The following LACTB2 variants were observed in gnomAD, a reference collection of about 807,000 sequenced individuals.
The protein encoded by LACTB2 is endoribonuclease LACTB2.
In LACTB2, 32 loss-of-function variants were observed where a neutral mutation model predicts 34.8. That is an observed-to-expected ratio of 0.92 (90% CI 0.69 to 1.24). The LOEUF is 1.24. Ranked by LOEUF, LACTB2 falls within the 50% of genes most tolerant of loss-of-function variation. LACTB2 has a pLI of 0.00. For synonymous variants in LACTB2, 120 were observed against 117.5 expected (o/e 1.02, Z -0.14); for missense variants, 320 against 345.0 (o/e 0.93, Z 0.57).
chr8:70,664,831 A>G (rs1818518672), intron 1 of LACTB2, among the ~76,000 whole-genome samples: 1 of 152,160 alleles, frequency 6.6e-6, no homozygotes, highest in African/African-American at 2.4e-5. Context: ...TTTTATAGAA[A>G]ACTTATCTTC....
intron 1 of LACTB2, chr8:70,663,413 T>C (rs1031226235): frequency 2.0e-5 from 3 of 152,234 alleles, no homozygotes; most frequent in Admixed American, 2.0e-4. Context: ...TTGGCTTCTA[T>C]CTGCACCCTA....
chr8:70,656,830 T>C (rs1245794458), intron 3 of LACTB2, among the ~76,000 whole-genome samples: 1 of 152,178 alleles, frequency 6.6e-6, no homozygotes. Context: ...TGTGTTTCCA[T>C]TTGTTTGTGT....
At chr8:70,648,161 A>C (rs1199656456) in intron 3 of LACTB2, among the ~76,000 whole-genome samples, 1 of 152,206 alleles carries the variant, frequency 6.6e-6, no homozygotes, top group Non-Finnish European at 1.5e-5. Context: ...TCCTACAGTG[A>C]GGCCTAAAGC....
At chr8:70,655,922 G>A (rs1455016110) in intron 3 of LACTB2, among the ~76,000 whole-genome samples, 6 of 152,094 alleles carry the variant, frequency 3.9e-5, no homozygotes, top group South Asian at 2.1e-4. Flanking sequence ...ATTGCATTGC[G>A]GTTTTGATTT....
At chr8:70,664,984 G>A (rs968614507) in intron 1 of LACTB2, among the ~76,000 whole-genome samples, 4 of 152,154 alleles carry the variant, frequency 2.6e-5, no homozygotes, top group East Asian at 1.9e-4. Context: ...TAGGTTAAGT[G>A]CTTAGAATCA....
At chr8:70,659,196 T>A (rs1818451927) in intron 2 of LACTB2, among the ~76,000 whole-genome samples, 1 of 152,024 alleles carries the variant, frequency 6.6e-6, no homozygotes, top group Non-Finnish European at 1.5e-5. Flanking sequence ...AATAGGAGAA[T>A]TTAAACTTTA....
chr8:70,641,022 T>C lies in LACTB2; in HGVS notation c.621A>G (p.Glu207=). The change falls in exon 5 of 7, where the codon GAA becomes GAG. Residue 207 remains glutamate (E), a synonymous_variant. Transcript: ENST00000276590. ...PGHGPVIHNA[E]AKIQQYISHR... is the part of the protein sequence containing the mutation. Reference sequence around the variant, plus strand: ...GAGAAATGTATTGTTGAATTTTAGCTTCAGCATTATGAATTACTGGGCCAT... The same window carrying C: ...GAGAAATGTATTGTTGAATTTTAGCCTCAGCATTATGAATTACTGGGCCAT... 2 of 1,604,040 alleles carry C rather than the reference T, an allele frequency of 1.2e-6. No homozygotes were observed. The highest frequency in any genetic ancestry group is 1.7e-6 in the Non-Finnish European group (2 of 1,177,308).
intron 3 of LACTB2, among the ~76,000 whole-genome samples, chr8:70,647,437 G>T (rs1318108528): frequency 6.6e-6 from 1 of 152,042 alleles, no homozygotes; most frequent in East Asian, 1.9e-4. Flanking sequence ...ATTTTTAGTA[G>T]AGATGGGGTT....
At chr8:70,653,352 C>G (rs888968207) in intron 3 of LACTB2, among the ~76,000 whole-genome samples, 21 of 152,086 alleles carry the variant, frequency 1.4e-4, no homozygotes, top group African/African-American at 5.1e-4. Flanking sequence ...GCCTTGGCCT[C>G]CCAAAGTACT....
intron 1 of LACTB2, 32 bp downstream of exon 1, chr8:70,668,967 G>T: frequency 6.4e-7 from 1 of 1,561,246 alleles, no homozygotes; most frequent in South Asian, 1.2e-5. Context: ...GGCCGGCTGC[G>T]AACGTTGGGG....
intron 3 of LACTB2, chr8:70,651,676 A>G (rs1818345275): frequency 7.4e-6 from 1 of 134,658 alleles, no homozygotes; most frequent in Non-Finnish European, 1.6e-5. Flanking sequence ...CACAGAAAAC[A>G]ATTTGTTTTT....
chr8:70,645,047 AT>A (rs144778190), intron 3 of LACTB2, among the ~76,000 whole-genome samples: 1 of 150,848 alleles, frequency 6.6e-6, no homozygotes, highest in Non-Finnish European at 1.5e-5. Context: ...TGTTTACATC[AT>A]TTTATATATA....
intron 3 of LACTB2, among the ~76,000 whole-genome samples, chr8:70,644,573 G>C (rs1263401644): frequency 6.6e-6 from 1 of 152,180 alleles, no homozygotes; most frequent in African/African-American, 2.4e-5. Flanking sequence ...CTGGGCCCAA[G>C]TGACCCTCCC....
In LACTB2 at chr8:70,669,164, C is replaced by A. The variant is rs769751086; in HGVS notation, c.-44G>T. On this transcript the variant is annotated 5_prime_UTR_variant, in exon 1 of 7. Transcript: ENST00000276590. ...CCGGCGTGTCGCCTATCTGGATACT[C>A]CAGCGCGGAAGAAGCCAACAGGCCG... is the stretch of plus-strand genomic sequence containing the variant. The A allele has an allele frequency of 1.2e-6, 2 of 1,602,126 alleles. No individual in the cohort carries two copies. Among genetic ancestry groups the A allele is most frequent in the Non-Finnish European group, 8.5e-7 (1 of 1,173,914 alleles).
chr8:70,657,889 A>G lies in LACTB2; in HGVS notation c.287-7T>C, dbSNP rs541131777. The G allele has an allele frequency of 5.8e-6, 9 of 1,555,828 alleles. No homozygotes were observed. In the East Asian group the frequency reaches 2.0e-4, roughly 35 times the overall value. ...TTAATGCAATAGGTAGTGTCTAGTC[A>G]TAAAACATATAAAATATATTAATTC... is the stretch of plus-strand genomic sequence containing the variant. On this transcript the variant is annotated splice_polypyrimidine_tract_variant and splice_region_variant and intron_variant, in intron 2 of 6. Coordinates refer to ENST00000276590, the MANE Select transcript of LACTB2 (RefSeq NM_016027.3).
chr8:70,655,289 G>A (rs1003276326), intron 3 of LACTB2, among the ~76,000 whole-genome samples: 10 of 150,628 alleles, frequency 6.6e-5, no homozygotes, highest in Non-Finnish European at 1.2e-4. Flanking sequence ...GCACAATTTC[G>A]GCTCACTGCA....
At chr8:70,653,830 G>A (rs1375062185) in intron 3 of LACTB2, 9 of 152,036 alleles carry the variant, frequency 5.9e-5, no homozygotes, top group African/African-American at 2.2e-4. Flanking sequence ...GATTGATCGA[G>A]CTGAGCATGC....
At chr8:70,649,172 A>G (rs990071429) in intron 3 of LACTB2, among the ~76,000 whole-genome samples, 6 of 152,294 alleles carry the variant, frequency 3.9e-5, no homozygotes, top group African/African-American at 1.2e-4. Context: ...CCCCTAAAAC[A>G]GAGGGGGTTT....
intron 3 of LACTB2, among the ~76,000 whole-genome samples, chr8:70,655,879 T>C (rs1199453846): frequency 6.6e-6 from 1 of 152,230 alleles, no homozygotes. Flanking sequence ...TTTGATTTTT[T>C]GATTATGGCC....
Sources: allele counts gnomAD v4.1 joint callset (sites outside exome capture counted in the v4.1 genomes callset), GRCh38; gene constraint gnomAD v4.1.1; transcripts MANE v1.5; gene names NCBI Gene and HGNC (gene_info 2026-07-23, HGNC 2026-07-21).